The following ROBO2 variants were observed in gnomAD, a reference collection of about 807,000 sequenced individuals.
ROBO2 encodes roundabout homolog 2.
ROBO2 carries 53 observed loss-of-function variants against 160.8 expected under a neutral mutation model. That is an observed-to-expected ratio of 0.33 (90% confidence interval 0.26 to 0.41). The LOEUF (loss-of-function observed/expected upper bound fraction) is 0.41, where lower values mean the gene tolerates loss of function less well. Ranked by LOEUF, ROBO2 falls within the 10% of genes least tolerant of loss-of-function variation. The pLI is 1.00. For synonymous variants in ROBO2, 664 were observed against 611.7 expected (o/e 1.09, Z -1.26); for missense variants, 1,577 against 1,722.4 (o/e 0.92, Z 1.49).
chr3:77,644,877 A>G (rs2153724908), exon 25 of ROBO2: 1 of 1,614,140 alleles, frequency 6.2e-7, no homozygotes. Flanking sequence ...GGGCTCCAAC[A>G]GTCAAGGACA....
chr3:77,244,785 G>A (rs1315470254), intron 2 of ROBO2, among the ~76,000 whole-genome samples: 4 of 151,722 alleles, frequency 2.6e-5, no homozygotes, highest in African/African-American at 9.7e-5. Flanking sequence ...GGCTGAGGCA[G>A]GGGAATCGCT....
chr3:76,382,960 G>A (rs376902110), intron 2 of ROBO2, among the ~76,000 whole-genome samples: 1 of 152,022 alleles, frequency 6.6e-6, no homozygotes, highest in Non-Finnish European at 1.5e-5. Flanking sequence ...AGAAACAGAC[G>A]AGAAAAAAGA....
At chr3:76,902,372 T>C (rs556104715) in intron 2 of ROBO2, among the ~76,000 whole-genome samples, 3 of 152,080 alleles carry the variant, frequency 2.0e-5, no homozygotes, top group Non-Finnish European at 4.4e-5. Flanking sequence ...TGTTTTGATA[T>C]CTGGTGAGAG....
chr3:76,194,367 T>C (rs1190255263), intron 2 of ROBO2, among the ~76,000 whole-genome samples: 1 of 120,732 alleles, frequency 8.3e-6, no homozygotes, highest in Non-Finnish European at 1.7e-5. Flanking sequence ...TATATATATA[T>C]ATATATATAT....
At position 76,781,489 on chromosome 3, in the gene ROBO2, G is replaced by A. The variant is rs141949857; in HGVS notation, c.110-316525G>A. ...GTGGCATTCTTATCTTGTACATAAT[G>A]TTAGAGAAATAGCTTTCAGCATTTT... is the stretch of plus-strand genomic sequence containing the variant. On this transcript the variant is annotated intron_variant, in intron 2 of 26. Coordinates refer to the ROBO2 transcript ENST00000487694. 5.8e-3 allele frequency among the ~76,000 whole-genome samples: 879 copies of A among 150,722 alleles called. 5 individuals carry two copies. Among genetic ancestry groups the A allele is most frequent in the Middle Eastern group, 0.024 (7 of 294 alleles).
intron 2 of ROBO2, among the ~76,000 whole-genome samples, chr3:76,390,583 A>C (rs1214708324): frequency 6.6e-6 from 1 of 152,182 alleles, no homozygotes; most frequent in Non-Finnish European, 1.5e-5. Flanking sequence ...GTGTTAGCCC[A>C]CATTAGTTAA....
At chr3:76,390,481 C>G (rs1197743633) in intron 2 of ROBO2, among the ~76,000 whole-genome samples, 4 of 152,012 alleles carry the variant, frequency 2.6e-5, no homozygotes, top group African/African-American at 4.8e-5. Flanking sequence ...GATGATATTA[C>G]TTAATACAAG....
At chr3:77,422,401 T>C (rs1436699010) in intron 2 of ROBO2, among the ~76,000 whole-genome samples, 1 of 152,170 alleles carries the variant, frequency 6.6e-6, no homozygotes, top group African/African-American at 2.4e-5. Context: ...ATTTCATGGT[T>C]ATCTTTGCAT....
chr3:76,939,585 C>A (rs1187149241), intron 2 of ROBO2, among the ~76,000 whole-genome samples: 1 of 152,022 alleles, frequency 6.6e-6, no homozygotes, highest in Non-Finnish European at 1.5e-5. Flanking sequence ...TCGAGACCAG[C>A]CTGGACAACA....
At chr3:76,476,412 G>A (rs73115481) in intron 2 of ROBO2, among the ~76,000 whole-genome samples, 12,201 of 152,076 alleles carry the variant, frequency 0.08, 609 homozygotes, top group Middle Eastern at 0.12. Flanking sequence ...AATGCTTACC[G>A]TATAGATCCA....
intron 2 of ROBO2, among the ~76,000 whole-genome samples, chr3:76,700,605 T>C (rs1056648765): frequency 3.9e-5 from 6 of 152,132 alleles, no homozygotes; most frequent in Non-Finnish European, 7.4e-5. Context: ...ATTCATTTAG[T>C]CTCTCATCTT....
intron 2 of ROBO2, among the ~76,000 whole-genome samples, chr3:76,600,814 C>G (rs560918573): frequency 2.0e-5 from 3 of 152,130 alleles, no homozygotes; most frequent in Non-Finnish European, 4.4e-5. Flanking sequence ...TGCCTTCCCA[C>G]CAGTCCCCCA....
intron 2 of ROBO2, among the ~76,000 whole-genome samples, chr3:76,346,818 G>T (rs1379865699): frequency 6.6e-6 from 1 of 152,098 alleles, no homozygotes; most frequent in Non-Finnish European, 1.5e-5. Flanking sequence ...TATACTCACT[G>T]AGTGACAACA....
At chr3:76,741,531 T>C (rs891383683) in intron 2 of ROBO2, among the ~76,000 whole-genome samples, 5 of 152,056 alleles carry the variant, frequency 3.3e-5, no homozygotes, top group Non-Finnish European at 7.4e-5. Context: ...TGAAGTGGAC[T>C]GCAAGGTTAA....
intron 2 of ROBO2, among the ~76,000 whole-genome samples, chr3:76,999,562 C>G (rs1397325679): frequency 7.9e-5 from 12 of 152,048 alleles, no homozygotes. Context: ...GTTTTATCCC[C>G]TGGAGAAACT....
chr3:76,948,258 C>A (rs1223195722), intron 2 of ROBO2, among the ~76,000 whole-genome samples: 1 of 152,096 alleles, frequency 6.6e-6, no homozygotes, highest in Non-Finnish European at 1.5e-5. Context: ...ACTTTGATGT[C>A]TTTAGATATG....
At chr3:76,553,674 A>G (rs978174341) in intron 2 of ROBO2, among the ~76,000 whole-genome samples, 1 of 152,224 alleles carries the variant, frequency 6.6e-6, no homozygotes, top group Non-Finnish European at 1.5e-5. Flanking sequence ...TTATTTGTAC[A>G]GAATTAGTCT....
intron 2 of ROBO2, among the ~76,000 whole-genome samples, chr3:76,059,783 G>A (rs1392098075): frequency 6.6e-6 from 1 of 152,090 alleles, no homozygotes; most frequent in Non-Finnish European, 1.5e-5. Flanking sequence ...TATGGTTTTA[G>A]GTCTAATATG....
chr3:77,349,273 A>G (rs2068034754), intron 2 of ROBO2, among the ~76,000 whole-genome samples: 1 of 152,206 alleles, frequency 6.6e-6, no homozygotes, highest in African/African-American at 2.4e-5. Flanking sequence ...TTTATTTTCC[A>G]AATGAAGGCA....
Sources: gnomAD v4.1 joint callset for allele counts (sites outside exome capture counted in the v4.1 genomes callset) on GRCh38, gnomAD v4.1.1 for gene constraint, MANE v1.5 for transcripts, NCBI Gene and HGNC (gene_info 2026-07-23, HGNC 2026-07-21) for gene names.